Variants in DLG2 observed in about 807,000 individuals in gnomAD.
The protein encoded by DLG2 is disks large homolog 2.
In DLG2, 45 loss-of-function variants were observed where a neutral mutation model predicts 132.5. The observed-to-expected ratio is 0.34, with a 90% confidence interval of 0.27 to 0.44. The LOEUF (loss-of-function observed/expected upper bound fraction) is 0.44, where lower values mean the gene tolerates loss of function less well. DLG2 is among the 20% of genes least tolerant of loss of function. DLG2 has a pLI of 1.00. For synonymous variants in DLG2, 424 were observed against 419.6 expected, an observed-to-expected ratio of 1.01 and a Z score of -0.13; for missense variants, 1,045 against 1,196.9, an observed-to-expected ratio of 0.87 and a Z score of 1.87.
intron 4 of DLG2, among the ~76,000 whole-genome samples, chr11:85,244,207 TAA>T (rs2076027345): frequency 1.3e-5 from 2 of 152,016 alleles, no homozygotes; most frequent in Admixed American, 1.3e-4. Flanking sequence ...TCCTGAGAGC[TAA>T]ACTTTTCTTT....
intron 16 of DLG2, among the ~76,000 whole-genome samples, chr11:83,867,171 C>T (rs1471012102): frequency 7.2e-5 from 11 of 152,044 alleles, no homozygotes; most frequent in Non-Finnish European, 2.9e-5. Context: ...CTCATAATAA[C>T]AAAACACATA....
chr11:84,525,137 C>T (rs890326555), intron 7 of DLG2, among the ~76,000 whole-genome samples: 1 of 152,080 alleles, frequency 6.6e-6, no homozygotes, highest in Non-Finnish European at 1.5e-5. Flanking sequence ...CCTCTGTGTT[C>T]TTCTCCCCTC....
In DLG2 at chr11:84,725,694, G is replaced by A. The variant is rs576438911; in HGVS notation, c.358-190963C>T. Among the ~76,000 whole-genome samples the A allele has an allele frequency of 2.6e-5, 4 of 152,178 alleles. No homozygotes were observed. In the South Asian group the frequency reaches 8.3e-4, roughly 32 times the overall value. ...TGACCAATCTAGTTAACTTATCTAAGCTACCATTTCTTGTTCCGTAAAATG... is the reference window on the plus strand; with the variant it reads ...TGACCAATCTAGTTAACTTATCTAAACTACCATTTCTTGTTCCGTAAAATG... On this transcript the variant is annotated intron_variant, in intron 6 of 27. Coordinates refer to ENST00000376104, the MANE Select transcript of DLG2 (RefSeq NM_001142699.3).
At chr11:84,784,628 TAAAG>T (rs2072536841) in intron 6 of DLG2, among the ~76,000 whole-genome samples, 1 of 152,046 alleles carries the variant, frequency 6.6e-6, no homozygotes, top group African/African-American at 2.4e-5. Flanking sequence ...GATCTACATA[TAAAG>T]ACTCTTGCTT....
At position 84,517,970 on chromosome 11, in the gene DLG2, T is replaced by C. The variant is rs76452405; in HGVS notation, c.519+16600A>G. Among the ~76,000 whole-genome samples, 281 of 151,742 alleles carry C rather than the reference T, an allele frequency of 1.9e-3. 1 individual carries two copies. Among genetic ancestry groups the C allele is most frequent in the African/African-American group, 6.6e-3 (271 of 41,366 alleles). On this transcript the variant is annotated intron_variant, in intron 7 of 27. Coordinates refer to ENST00000376104, the MANE Select transcript of DLG2 (RefSeq NM_001142699.3). Reference sequence around the variant, plus strand: ...AATTTGATCTCATAGAAGTAGAGAGTAGAAAGGTGTTTACCAGGAGTTGGG... The same window carrying C: ...AATTTGATCTCATAGAAGTAGAGAGCAGAAAGGTGTTTACCAGGAGTTGGG...
intron 6 of DLG2, among the ~76,000 whole-genome samples, chr11:84,692,319 T>G (rs2058139574): frequency 6.6e-6 from 1 of 151,774 alleles, no homozygotes; most frequent in African/African-American, 2.4e-5. Flanking sequence ...ATCTTCATAC[T>G]TAGTCCTAAT....
intron 6 of DLG2, among the ~76,000 whole-genome samples, chr11:84,938,844 G>T (rs1290401890): frequency 6.6e-6 from 1 of 152,006 alleles, no homozygotes; most frequent in African/African-American, 2.4e-5. Flanking sequence ...TTGATTATGG[G>T]AAATTTATCT....
chr11:85,047,583 C>A (rs899075556), intron 6 of DLG2, among the ~76,000 whole-genome samples: 15 of 151,932 alleles, frequency 9.9e-5, no homozygotes, highest in African/African-American at 3.4e-4. Flanking sequence ...ACATAATCTC[C>A]CTGAGTATCT....
chr11:84,256,976 G>C (rs1489337988), intron 7 of DLG2, among the ~76,000 whole-genome samples: 1 of 152,212 alleles, frequency 6.6e-6, no homozygotes, highest in Non-Finnish European at 1.5e-5. Context: ...ATGAGCCCCA[G>C]TCAGACCATA....
intron 18 of DLG2, among the ~76,000 whole-genome samples, chr11:83,687,858 T>C (rs1160504817): frequency 6.6e-6 from 1 of 151,924 alleles, no homozygotes; most frequent in Non-Finnish European, 1.5e-5. Flanking sequence ...AAATACCAGC[T>C]GGTCATGATG....
At chr11:83,841,932 T>C (rs2057629972) in intron 16 of DLG2, among the ~76,000 whole-genome samples, 1 of 152,210 alleles carries the variant, frequency 6.6e-6, no homozygotes, top group Non-Finnish European at 1.5e-5. Context: ...GGACAAGTGC[T>C]ATGACAGAAA....
At chr11:84,882,006 G>A (rs147325278) in intron 6 of DLG2, among the ~76,000 whole-genome samples, 40 of 152,196 alleles carry the variant, frequency 2.6e-4, no homozygotes, top group African/African-American at 8.9e-4. Context: ...TAATTGATTT[G>A]TGGCTATTGT....
At chr11:85,530,927 C>T (rs948518424) in intron 3 of DLG2, among the ~76,000 whole-genome samples, 2 of 152,126 alleles carry the variant, frequency 1.3e-5, no homozygotes, top group Non-Finnish European at 2.9e-5. Context: ...ATAATAATTT[C>T]CTGAACTTGA....
At chr11:84,609,284 T>C (rs2099591184) in intron 6 of DLG2, among the ~76,000 whole-genome samples, 2 of 152,166 alleles carry the variant, frequency 1.3e-5, no homozygotes, top group Non-Finnish European at 2.9e-5. Context: ...TAATAGACCC[T>C]ATCTCAGTGG....
rs371626510 is a variant in DLG2 at position 85,360,164 on chromosome 11, G to T, written c.41-74799C>A. On this transcript the variant is annotated intron_variant, in intron 3 of 27. Coordinates refer to ENST00000376104, the MANE Select transcript of DLG2 (RefSeq NM_001142699.3). ...CTGTGGTATGATTTTTAACACACTT[G>T]TCAGCGGTTTCTAGTTGTCAGTTTA... Among the ~76,000 whole-genome samples the T allele has an allele frequency of 1.5e-4, 23 of 152,270 alleles. No homozygotes were observed. The South Asian group carries it at 4.8e-3, about 32-fold the overall frequency.
At chr11:85,363,577 A>G (rs905308906) in intron 3 of DLG2, among the ~76,000 whole-genome samples, 1 of 152,208 alleles carries the variant, frequency 6.6e-6, no homozygotes, top group Non-Finnish European at 1.5e-5. Flanking sequence ...AGTGCCTAAC[A>G]TGTTGTAGGA....
intron 7 of DLG2, among the ~76,000 whole-genome samples, chr11:84,277,125 A>G (rs966849623): frequency 6.6e-6 from 1 of 152,342 alleles, no homozygotes; most frequent in South Asian, 2.1e-4. Context: ...AGATAAATCC[A>G]CAATTATAAT....
intron 7 of DLG2, among the ~76,000 whole-genome samples, chr11:84,428,920 A>G (rs1254770411): frequency 2.0e-5 from 3 of 152,224 alleles, no homozygotes; most frequent in Non-Finnish European, 4.4e-5. Context: ...TGGTGGCTGA[A>G]GAAGACTCTG....
intron 6 of DLG2, among the ~76,000 whole-genome samples, chr11:84,751,391 G>A (rs1459934935): frequency 1.3e-5 from 2 of 152,042 alleles, no homozygotes; most frequent in African/African-American, 2.4e-5. Flanking sequence ...CAGCAAGAAG[G>A]TGACAGTGAT....
Sources: allele counts gnomAD v4.1 joint callset (sites outside exome capture counted in the v4.1 genomes callset), GRCh38; gene constraint gnomAD v4.1.1; transcripts MANE v1.5; gene names NCBI Gene and HGNC (gene_info 2026-07-23, HGNC 2026-07-21).